Variants in PDLIM5 observed in about 807,000 individuals in gnomAD.
The protein encoded by PDLIM5 is PDZ and LIM domain 5.
In PDLIM5, 34 loss-of-function variants were observed where a neutral mutation model predicts 64.2. That is an observed-to-expected ratio of 0.53 (90% CI 0.40 to 0.71). The LOEUF is 0.71. PDLIM5 is among the 30% of genes least tolerant of loss of function. The probability of loss-of-function intolerance (pLI) is 0.00; values close to 1 mark genes in which losing one functional copy is unlikely to be tolerated. For missense variants in PDLIM5, 683 were observed against 733.6 expected (o/e 0.93, Z 0.80); for synonymous variants, 253 against 269.1 (o/e 0.94, Z 0.59).
At chr4:94,656,861 C>G (rs1396898484) in intron 10 of PDLIM5, 1 of 151,790 alleles carries the variant, frequency 6.6e-6, no homozygotes, top group Non-Finnish European at 1.5e-5. Context: ...GTCTCGATCT[C>G]CTGAACTCGT....
intron 2 of PDLIM5, among the ~76,000 whole-genome samples, chr4:94,486,003 G>A (rs374583995): frequency 1.3e-5 from 2 of 152,094 alleles, no homozygotes; most frequent in South Asian, 2.1e-4. Flanking sequence ...CCCCCCTCAC[G>A]ATCAGGAAGG....
intron 3 of PDLIM5, among the ~76,000 whole-genome samples, chr4:94,561,753 T>G (rs899151944): frequency 2.3e-4 from 35 of 152,224 alleles, no homozygotes; most frequent in Non-Finnish European, 1.5e-5. Flanking sequence ...ATTATTTATC[T>G]TAAGAGATAG....
At chr4:94,549,790 G>A (rs1259425476) in intron 3 of PDLIM5, 1 of 152,102 alleles carries the variant, frequency 6.6e-6, no homozygotes, top group Non-Finnish European at 1.5e-5. Context: ...CTTATTACCA[G>A]TAGCAGTTAC....
intron 2 of PDLIM5, among the ~76,000 whole-genome samples, chr4:94,497,982 A>G (rs1452504038): frequency 8.1e-6 from 1 of 122,830 alleles, no homozygotes; most frequent in African/African-American, 2.5e-5. Flanking sequence ...GAAAAACTAC[A>G]CTGTTACAGT....
At chr4:94,578,386 A>G (rs1735459729) in intron 5 of PDLIM5, among the ~76,000 whole-genome samples, 1 of 152,216 alleles carries the variant, frequency 6.6e-6, no homozygotes, top group African/African-American at 2.4e-5. Flanking sequence ...TGCAAAATTC[A>G]GGAGAAAAGA....
intron 8 of PDLIM5, among the ~76,000 whole-genome samples, chr4:94,620,586 AT>A (rs1739140271): frequency 1.3e-5 from 2 of 151,984 alleles, no homozygotes; most frequent in Admixed American, 1.3e-4. Flanking sequence ...TATTTTTGAG[AT>A]TTGTAAGAGT....
At chr4:94,531,830 A>G (rs990216466) in intron 3 of PDLIM5, among the ~76,000 whole-genome samples, 1 of 152,102 alleles carries the variant, frequency 6.6e-6, no homozygotes, top group Admixed American at 6.6e-5. Context: ...GTTAAAAAGT[A>G]CTTTTCATTT....
chr4:94,507,073 A>T (rs1728457009), intron 2 of PDLIM5, among the ~76,000 whole-genome samples: 1 of 152,108 alleles, frequency 6.6e-6, no homozygotes, highest in African/African-American at 2.4e-5. Context: ...CACAGGCTGA[A>T]GGCTGCACTG....
At chr4:94,586,169 AAAATAAAT>A (rs150917165) in intron 6 of PDLIM5, among the ~76,000 whole-genome samples, 1 of 151,548 alleles carries the variant, frequency 6.6e-6, no homozygotes, top group African/African-American at 2.4e-5. Flanking sequence ...CTCTGTCTCA[AAAATAAAT>A]AAATAAATAA....
At chr4:94,595,217 T>C (rs1386554028) in intron 7 of PDLIM5, among the ~76,000 whole-genome samples, 1 of 152,194 alleles carries the variant, frequency 6.6e-6, no homozygotes, top group African/African-American at 2.4e-5. Flanking sequence ...GATTACAATT[T>C]GACATGTGGT....
intron 7 of PDLIM5, among the ~76,000 whole-genome samples, chr4:94,601,324 C>T (rs60812023): frequency 0.017 from 2,556 of 152,186 alleles, 29 homozygotes; most frequent in East Asian, 0.067. Context: ...CTTTCATGAG[C>T]GCTCTCTGCC....
intron 3 of PDLIM5, among the ~76,000 whole-genome samples, chr4:94,524,570 A>C (rs1028355871): frequency 6.6e-6 from 1 of 151,142 alleles, no homozygotes; most frequent in South Asian, 2.1e-4. Flanking sequence ...TGAGTAGAAA[A>C]TTTTTAATAG....
intron 7 of PDLIM5, among the ~76,000 whole-genome samples, chr4:94,606,718 AT>A (rs1359065737): frequency 6.6e-5 from 10 of 151,946 alleles, no homozygotes; most frequent in Middle Eastern, 3.2e-3. Context: ...GGGTCAGCAA[AT>A]TTTTTTCTGT....
chr4:94,515,474 A>G (rs1729280719), intron 2 of PDLIM5, among the ~76,000 whole-genome samples: 1 of 152,140 alleles, frequency 6.6e-6, no homozygotes, highest in South Asian at 2.1e-4. Context: ...GTTTTGAAAT[A>G]TCTTTAGCTT....
intron 10 of PDLIM5, among the ~76,000 whole-genome samples, chr4:94,655,115 G>T (rs1742111268): frequency 6.6e-6 from 1 of 152,048 alleles, no homozygotes; most frequent in African/African-American, 2.4e-5. Flanking sequence ...GTTTATAAAT[G>T]ATATATTTTT....
chr4:94,640,464 T>G lies in PDLIM5; in HGVS notation c.1283+14T>G. 1.3e-6 allele frequency: 2 copies of G among 1,537,816 alleles called. No individual in the cohort carries two copies. Among genetic ancestry groups the G allele is most frequent in the Non-Finnish European group, 1.8e-6 (2 of 1,140,378 alleles). On this transcript the variant is annotated intron_variant, in intron 9 of 12. Coordinates refer to ENST00000317968, the MANE Select transcript of PDLIM5 (RefSeq NM_006457.5). ...CCAGGTCATCAGGTTGGTTGTTTTT[T>G]GAAATTTTCTTGAAAGTACTTAATA...
chr4:94,632,623 A>T (rs1289146324), intron 8 of PDLIM5, among the ~76,000 whole-genome samples: 2 of 152,228 alleles, frequency 1.3e-5, no homozygotes, highest in African/African-American at 4.8e-5. Flanking sequence ...GCAAAAAGGA[A>T]TTAAGTTTGC....
chr4:94,598,075 A>G (rs1737206434), intron 7 of PDLIM5, among the ~76,000 whole-genome samples: 1 of 152,170 alleles, frequency 6.6e-6, no homozygotes, highest in African/African-American at 2.4e-5. Flanking sequence ...TAAAAGGTTG[A>G]AGTAGTTTAA....
chr4:94,571,745 G>A (rs1734822950), intron 3 of PDLIM5, among the ~76,000 whole-genome samples: 2 of 152,186 alleles, frequency 1.3e-5, no homozygotes, highest in East Asian at 3.9e-4. Flanking sequence ...AATATTTGTC[G>A]AAAGAAAAGG....
Sources: allele counts gnomAD v4.1 joint callset (sites outside exome capture counted in the v4.1 genomes callset), GRCh38; gene constraint gnomAD v4.1.1; transcripts MANE v1.5; gene names NCBI Gene and HGNC (gene_info 2026-07-23, HGNC 2026-07-21).